The following PKHD1 variants were observed in gnomAD, a reference collection of about 807,000 sequenced individuals.
PKHD1 encodes PKHD1 ciliary IPT domain containing fibrocystin/polyductin.
A neutral mutation model predicts 412.0 loss-of-function variants in PKHD1; 291 were observed. The ratio of observed to expected loss-of-function variants is 0.71; its 90% CI spans 0.64 to 0.78. PKHD1 has a LOEUF of 0.78. PKHD1 is among the 30% of genes least tolerant of loss of function. The pLI, the probability that PKHD1 is intolerant of heterozygous loss-of-function variation, is 0.00. For synonymous variants in PKHD1, 1,777 were observed against 1,821.5 expected (o/e 0.98, Z 0.62); for missense variants, 4,825 against 4,950.7 (o/e 0.97, Z 0.76).
rs1373119085 is a variant in PKHD1, at chr6:51,920,730, C to G, written c.6122-8154G>C. Among the ~76,000 whole-genome samples, 2 of 152,112 alleles carry G rather than the reference C, an allele frequency of 1.3e-5. 1 individual carries two copies. Among genetic ancestry groups the G allele is most frequent in the Non-Finnish European group, 2.9e-5 (2 of 68,032 alleles). On this transcript the variant is annotated intron_variant, in intron 37 of 66. Coordinates refer to ENST00000371117, the MANE Select transcript of PKHD1 (RefSeq NM_138694.4). Reference sequence around the variant, plus strand: ...TGCTCTTTGTACCTCTGGTAGAATTCGGCTGTGAATCCGTCTGGTCCTGGA... The same window carrying G: ...TGCTCTTTGTACCTCTGGTAGAATTGGGCTGTGAATCCGTCTGGTCCTGGA...
At chr6:52,074,375 G>T (rs1279553144) in intron 6 of PKHD1, among the ~76,000 whole-genome samples, 1 of 152,166 alleles carries the variant, frequency 6.6e-6, no homozygotes, top group Non-Finnish European at 1.5e-5. Context: ...CAATTTTATA[G>T]GTGCATGGGT....
At chr6:51,767,856 G>A (rs1253607959) in intron 55 of PKHD1, among the ~76,000 whole-genome samples, 2 of 152,084 alleles carry the variant, frequency 1.3e-5, no homozygotes, top group Non-Finnish European at 2.9e-5. Flanking sequence ...TGGATCAAAT[G>A]GTATTTCTAG....
intron 37 of PKHD1, among the ~76,000 whole-genome samples, chr6:51,926,272 G>A (rs1040024921): frequency 2.0e-5 from 3 of 152,112 alleles, no homozygotes; most frequent in African/African-American, 7.2e-5. Context: ...GCCAGCTGAG[G>A]GGAAAGCAGA....
At chr6:51,824,291 T>C (rs1407111301) in intron 52 of PKHD1, among the ~76,000 whole-genome samples, 1 of 152,146 alleles carries the variant, frequency 6.6e-6, no homozygotes, top group Non-Finnish European at 1.5e-5. Context: ...AGCAAAGCAC[T>C]TTATACTTAG....
At chr6:51,988,760 G>T (rs1796513749) in intron 35 of PKHD1, among the ~76,000 whole-genome samples, 2 of 152,214 alleles carry the variant, frequency 1.3e-5, no homozygotes, top group African/African-American at 4.8e-5. Context: ...GAGGGGAAAT[G>T]ATGGCTCTGA....
chr6:51,797,708 T>C (rs193129282), intron 52 of PKHD1, among the ~76,000 whole-genome samples: 42 of 152,340 alleles, frequency 2.8e-4, no homozygotes, highest in Admixed American at 1.2e-3. Context: ...GCATGTGAGA[T>C]AGGACTCTTG....
In PKHD1 at chr6:52,013,868, C is replaced by T. The variant is rs151060461; in HGVS notation, c.5601-3409G>A. On this transcript the variant is annotated intron_variant, in intron 34 of 66. Coordinates refer to ENST00000371117, the MANE Select transcript of PKHD1 (RefSeq NM_138694.4). ...AGGGAAAACAATTTGCAGGCATTTT[C>T]TCTCCCTCACTTCCCCTGAAGTTGC... is the stretch of plus-strand genomic sequence containing the variant. Among the ~76,000 whole-genome samples, 852 of 152,212 alleles carry T rather than the reference C, an allele frequency of 5.6e-3. 6 individuals are homozygous for T. Among genetic ancestry groups the T allele is most frequent in the African/African-American group, 0.02 (822 of 41,512 alleles).
At chr6:51,842,208 C>T (rs1187729977) in intron 50 of PKHD1, among the ~76,000 whole-genome samples, 1 of 152,228 alleles carries the variant, frequency 6.6e-6, no homozygotes, top group East Asian at 1.9e-4. Context: ...CAGACCTTCT[C>T]AGCTGCCGCC....
At chr6:52,015,511 T>C (rs903784670) in intron 34 of PKHD1, among the ~76,000 whole-genome samples, 2 of 152,216 alleles carry the variant, frequency 1.3e-5, no homozygotes, top group African/African-American at 4.8e-5. Flanking sequence ...GCACTTATTA[T>C]AATTCTTACT....
intron 35 of PKHD1, chr6:51,975,711 G>T (rs1013840972): frequency 1.3e-5 from 2 of 151,588 alleles, no homozygotes; most frequent in African/African-American, 4.8e-5. Flanking sequence ...GGGGCAGGAG[G>T]ATTGCTTGAA....
At chr6:51,648,578 C>G (rs1282841379) in intron 62 of PKHD1, among the ~76,000 whole-genome samples, 3 of 152,128 alleles carry the variant, frequency 2.0e-5, no homozygotes, top group African/African-American at 7.2e-5. Flanking sequence ...AATCATAGTT[C>G]ACTGTGAATT....
intron 35 of PKHD1, among the ~76,000 whole-genome samples, chr6:51,991,599 A>G (rs1326507190): frequency 1.3e-5 from 2 of 152,216 alleles, no homozygotes; most frequent in Non-Finnish European, 2.9e-5. Flanking sequence ...ATTATTTTAA[A>G]AGTTAAATAA....
intron 60 of PKHD1, among the ~76,000 whole-genome samples, chr6:51,699,354 A>G (rs1779153748): frequency 6.6e-6 from 1 of 152,104 alleles, no homozygotes; most frequent in African/African-American, 2.4e-5. Flanking sequence ...AGCCTTTCAT[A>G]CTGGCTTCTC....
intron 64 of PKHD1, among the ~76,000 whole-genome samples, chr6:51,635,686 T>C (rs1581766851): frequency 6.6e-6 from 1 of 151,230 alleles, no homozygotes; most frequent in African/African-American, 2.4e-5. Context: ...GTGGGGAGGA[T>C]TGGGGATGGT....
At chr6:51,937,335 T>C (rs925488976) in intron 36 of PKHD1, among the ~76,000 whole-genome samples, 2 of 152,234 alleles carry the variant, frequency 1.3e-5, no homozygotes, top group African/African-American at 4.8e-5. Flanking sequence ...AGCTGTAGCC[T>C]GACCATCTTG....
intron 48 of PKHD1, among the ~76,000 whole-genome samples, chr6:51,863,442 T>C (rs1774516420): frequency 6.6e-6 from 1 of 152,202 alleles, no homozygotes; most frequent in Non-Finnish European, 1.5e-5. Context: ...TATACATTGC[T>C]GTAAACAACA....
chr6:51,955,083 A>T (rs1583549571), intron 36 of PKHD1, among the ~76,000 whole-genome samples: 2 of 152,198 alleles, frequency 1.3e-5, no homozygotes, highest in East Asian at 3.9e-4. Flanking sequence ...TTAACATAAA[A>T]GAATGAAAAT....
At chr6:52,045,408 A>G (rs1183368135) in intron 24 of PKHD1, among the ~76,000 whole-genome samples, 1 of 152,232 alleles carries the variant, frequency 6.6e-6, no homozygotes, top group Non-Finnish European at 1.5e-5. Flanking sequence ...ATATTAAAAT[A>G]AAGTGGAAAG....
intron 36 of PKHD1, among the ~76,000 whole-genome samples, chr6:51,943,414 C>A (rs1788901471): frequency 6.6e-6 from 1 of 150,898 alleles, no homozygotes; most frequent in Non-Finnish European, 1.5e-5. Context: ...AAAAACTCAT[C>A]ATCCCTACTA....
Sources: allele counts gnomAD v4.1 joint callset (sites outside exome capture counted in the v4.1 genomes callset), GRCh38; gene constraint gnomAD v4.1.1; transcripts MANE v1.5; gene names NCBI Gene and HGNC (gene_info 2026-07-23, HGNC 2026-07-21).